The following SLIT3 variants were observed in gnomAD, a reference collection of about 807,000 sequenced individuals.
SLIT3 encodes slit homolog 3 protein.
A neutral mutation model predicts 184.0 loss-of-function variants in SLIT3; 68 were observed. The observed-to-expected ratio is 0.37, with a 90% CI of 0.30 to 0.45. The LOEUF (loss-of-function observed/expected upper bound fraction) is 0.45. Ranked by LOEUF, SLIT3 falls within the 20% of genes least tolerant of loss-of-function variation. The pLI, the probability that SLIT3 is intolerant of heterozygous loss-of-function variation, is 1.00. For synonymous variants in SLIT3, 831 were observed against 828.6 expected (o/e 1.00, Z -0.05); for missense variants, 1,707 against 2,026.0 (o/e 0.84, Z 3.02).
At position 169,068,420 on chromosome 5, in the gene SLIT3, A is replaced by G. The variant is rs73314015; in HGVS notation, c.413+125059T>C. ...TCGAGCTAGGTGCTGAGGTAAAGAG[A>G]CTAAGTATAGGAGAATAATGTAGAT... On this transcript the variant is annotated intron_variant, in intron 4 of 35. Coordinates refer to ENST00000519560, the MANE Select transcript of SLIT3 (RefSeq NM_003062.4). Among the ~76,000 whole-genome samples, 389 of 152,270 alleles carry G rather than the reference A, an allele frequency of 2.6e-3. 2 individuals carry two copies. Among genetic ancestry groups the G allele is most frequent in the African/African-American group, 8.6e-3 (357 of 41,558 alleles).
intron 4 of SLIT3, among the ~76,000 whole-genome samples, chr5:168,986,606 A>C (rs1163135819): frequency 1.3e-5 from 2 of 152,190 alleles, no homozygotes; most frequent in East Asian, 1.9e-4. Context: ...CCATCCAGGC[A>C]TGCTGTGAGC....
At chr5:168,905,021 TA>T (rs751855166) in intron 4 of SLIT3, among the ~76,000 whole-genome samples, 28 of 151,772 alleles carry the variant, frequency 1.8e-4, no homozygotes, top group East Asian at 7.8e-4. Flanking sequence ...AAAATAAAAA[TA>T]AGAAATTAGC....
At chr5:169,274,378 C>T (rs1195075863) in intron 1 of SLIT3, among the ~76,000 whole-genome samples, 2 of 152,186 alleles carry the variant, frequency 1.3e-5, no homozygotes, top group Admixed American at 1.3e-4. Context: ...CCTTATGCAT[C>T]TATTTCGTCA....
intron 4 of SLIT3, among the ~76,000 whole-genome samples, chr5:169,049,781 A>C (rs2113056004): frequency 6.6e-6 from 1 of 152,340 alleles, no homozygotes; most frequent in South Asian, 2.1e-4. Flanking sequence ...CTAGACAGAA[A>C]CCTAAACTCT....
intron 4 of SLIT3, among the ~76,000 whole-genome samples, chr5:168,963,921 G>C (rs1763099269): frequency 6.6e-6 from 1 of 152,274 alleles, no homozygotes; most frequent in Admixed American, 6.5e-5. Context: ...AGTTTTAAGG[G>C]AGGAGGGAAC....
intron 4 of SLIT3, among the ~76,000 whole-genome samples, chr5:169,142,580 T>C (rs768344442): frequency 1.3e-5 from 2 of 152,206 alleles, no homozygotes; most frequent in African/African-American, 2.4e-5. Flanking sequence ...CAAGTCAAAC[T>C]ATGGTGCGCC....
chr5:168,944,660 GGAGTT>G (rs1762419869), intron 4 of SLIT3, among the ~76,000 whole-genome samples: 1 of 152,082 alleles, frequency 6.6e-6, no homozygotes, highest in Non-Finnish European at 1.5e-5. Flanking sequence ...CAGTGAATAT[GGAGTT>G]AAGATGCCAA....
intron 1 of SLIT3, among the ~76,000 whole-genome samples, chr5:169,263,012 G>A (rs374863981): frequency 2.0e-5 from 3 of 152,182 alleles, no homozygotes; most frequent in Non-Finnish European, 4.4e-5. Context: ...TCATTAGGGT[G>A]GACCCTAATC....
At chr5:168,688,183 G>C (rs1761803672) in intron 29 of SLIT3, among the ~76,000 whole-genome samples, 1 of 152,200 alleles carries the variant, frequency 6.6e-6, no homozygotes, top group Non-Finnish European at 1.5e-5. Flanking sequence ...AATGCTTACT[G>C]GCGCTTCTGC....
intron 3 of SLIT3, among the ~76,000 whole-genome samples, chr5:169,218,996 C>G (rs754024522): frequency 6.6e-6 from 1 of 152,200 alleles, no homozygotes; most frequent in Non-Finnish European, 1.5e-5. Flanking sequence ...CTGGCCCATC[C>G]TCTTAGACTT....
chr5:169,034,248 A>G (rs528021940), intron 4 of SLIT3, among the ~76,000 whole-genome samples: 24 of 151,514 alleles, frequency 1.6e-4, no homozygotes, highest in East Asian at 7.8e-4. Flanking sequence ...TTTTAGTTTG[A>G]TGTGCTCTCA....
intron 9 of SLIT3, among the ~76,000 whole-genome samples, chr5:168,799,002 C>A (rs961737589): frequency 6.6e-6 from 1 of 152,184 alleles, no homozygotes; most frequent in Non-Finnish European, 1.5e-5. Context: ...CTCTCAATCA[C>A]CAGGCTTTGC....
intron 4 of SLIT3, among the ~76,000 whole-genome samples, chr5:168,933,018 T>C (rs78422648): frequency 0.042 from 6,383 of 152,270 alleles, 231 homozygotes; most frequent in African/African-American, 0.093. Flanking sequence ...AGAGAAAGCA[T>C]TGCCAGCTTA....
intron 4 of SLIT3, among the ~76,000 whole-genome samples, chr5:169,049,455 G>A (rs888843338): frequency 7.9e-5 from 12 of 152,022 alleles, no homozygotes; most frequent in African/African-American, 2.7e-4. Context: ...TGCCGTTAAC[G>A]TCTCTCCTGC....
At chr5:168,694,174 G>A (rs1219728604) in intron 28 of SLIT3, among the ~76,000 whole-genome samples, 3 of 152,098 alleles carry the variant, frequency 2.0e-5, no homozygotes, top group Admixed American at 2.0e-4. Context: ...ACTGCGGCAG[G>A]AAACCACTTC....
intron 4 of SLIT3, among the ~76,000 whole-genome samples, chr5:169,066,522 T>C (rs1455432348): frequency 6.6e-6 from 1 of 152,196 alleles, no homozygotes; most frequent in Non-Finnish European, 1.5e-5. Flanking sequence ...AAATAATTAA[T>C]GATAACAATG....
At position 168,928,057 on chromosome 5, in the gene SLIT3, T is replaced by A. The variant is rs114818001; in HGVS notation, c.414-44721A>T. Among the ~76,000 whole-genome samples, 1,458 of 152,322 alleles carry A rather than the reference T, an allele frequency of 9.6e-3. 20 individuals carry two copies. Among genetic ancestry groups the A allele is most frequent in the African/African-American group, 0.033 (1,384 of 41,582 alleles). Reference sequence around the variant, plus strand: ...CTATTCCTCACATCAGATGAAGACCTTCAAGTCAGAGATCATACATTATTA... The same window carrying A: ...CTATTCCTCACATCAGATGAAGACCATCAAGTCAGAGATCATACATTATTA... On this transcript the variant is annotated intron_variant, in intron 4 of 35. Transcript: ENST00000519560.
intron 4 of SLIT3, among the ~76,000 whole-genome samples, chr5:168,887,424 G>A (rs533942258): frequency 6.6e-6 from 1 of 152,148 alleles, no homozygotes; most frequent in Non-Finnish European, 1.5e-5. Flanking sequence ...AGTGGGTGGG[G>A]CTAATTATGA....
At chr5:169,193,396 C>G (rs1763625234) in intron 4 of SLIT3, 83 bp downstream of exon 4, 16 of 1,160,970 alleles carry the variant, frequency 1.4e-5, no homozygotes, top group Non-Finnish European at 2.1e-5. Flanking sequence ...CTCCACACGG[C>G]ACGGCGCTCC....
Sources: allele counts gnomAD v4.1 joint callset (sites outside exome capture counted in the v4.1 genomes callset), GRCh38; gene constraint gnomAD v4.1.1; transcripts MANE v1.5; gene names NCBI Gene and HGNC (gene_info 2026-07-23, HGNC 2026-07-21).